Variants in BOC observed in about 807,000 individuals in gnomAD.
The protein encoded by BOC is BOC cell adhesion associated, oncogene regulated.
BOC carries 76 observed loss-of-function variants against 112.0 expected under a neutral mutation model. The ratio of observed to expected loss-of-function variants is 0.68; its 90% CI spans 0.56 to 0.82. BOC has a LOEUF of 0.82. Ranked by LOEUF, BOC falls within the 40% of genes least tolerant of loss-of-function variation. The pLI is 0.00. For missense variants in BOC, 1,309 were observed against 1,511.7 expected (o/e 0.87, Z 2.22); for synonymous variants, 580 against 599.8 (o/e 0.97, Z 0.48).
chr3:113,250,769 C>A lies in BOC; in HGVS notation c.312C>A (p.Tyr104Ter). The A allele has an allele frequency of 6.2e-7, 1 of 1,614,144 alleles. No homozygotes were observed. The highest frequency in any genetic ancestry group is 8.5e-7 in the Non-Finnish European group (1 of 1,180,014). ...TALNNHTVGR[Y>*]QCVARMPAGA... ...TTAACAACCACACTGTGGGACGGTA[C>A]CAGTGTGTGGCCCGGATGCCTGCGG... Residue 104 changes from tyrosine (Y) to a stop codon, truncating the protein, a stop_gained, in exon 4 of 20, where the codon TAC (tyrosine) becomes TAA (stop). Transcript: ENST00000682979. LOFTEE classifies it high-confidence loss of function.
At chr3:113,227,854 C>T (rs1003990387) in intron 2 of BOC, among the ~76,000 whole-genome samples, 1 of 151,352 alleles carries the variant, frequency 6.6e-6, no homozygotes, top group Admixed American at 6.6e-5. Flanking sequence ...GTTATCAAGA[C>T]AAACAAGTGT....
chr3:113,214,910 C>A (rs1472024764), intron 1 of BOC, among the ~76,000 whole-genome samples: 1 of 152,198 alleles, frequency 6.6e-6, no homozygotes, highest in African/African-American at 2.4e-5. Context: ...GTACAAGCAT[C>A]TACTTGTAAT....
chr3:113,274,585 G>T lies in BOC; in HGVS notation c.1445G>T (p.Arg482Leu). Residue 482 changes from arginine to leucine, a missense_variant, in exon 9 of 20, where the codon CGC (arginine) becomes CTC (leucine). Physicochemically the swap from Arg to Leu is moderately radical, Grantham distance 102 (BLOSUM62 -2). Transcript: ENST00000682979. The surrounding 1 kb of genome is among the most constrained non-coding windows in gnomAD (Gnocchi z 4.8). ...GCTCCCATCATCCTCAGCTCGCCCCGCACCTCCAAGACAGACTCATATGAA... is the reference window on the plus strand; with the variant it reads ...GCTCCCATCATCCTCAGCTCGCCCCTCACCTCCAAGACAGACTCATATGAA... ...AEAPIILSSP[R>L]TSKTDSYELV... The T allele has an allele frequency of 1.9e-6, 3 of 1,613,634 alleles. No individual in the cohort carries two copies. The highest frequency in any genetic ancestry group is 2.2e-5 in the East Asian group (1 of 44,870).
intron 4 of BOC, among the ~76,000 whole-genome samples, chr3:113,266,275 G>C (rs1947472837): frequency 6.6e-6 from 1 of 152,154 alleles, no homozygotes; most frequent in African/African-American, 2.4e-5. Context: ...GAGATGTTTT[G>C]ATACAGGCAT....
At chr3:113,247,787 C>T (rs943630286) in intron 2 of BOC, among the ~76,000 whole-genome samples, 1 of 152,212 alleles carries the variant, frequency 6.6e-6, no homozygotes, top group African/African-American at 2.4e-5. Context: ...ATTGTACTCA[C>T]ATCCTTTGCA....
chr3:113,283,812 G>A (rs774624224), intron 16 of BOC, among the ~76,000 whole-genome samples, 180 bp downstream of exon 16: 1 of 151,840 alleles, frequency 6.6e-6, no homozygotes, highest in Non-Finnish European at 1.5e-5. Context: ...TCGGCTTGGG[G>A]AGGAGGAAGG....
chr3:113,230,134 T>C (rs1942365205), intron 2 of BOC, among the ~76,000 whole-genome samples: 1 of 152,222 alleles, frequency 6.6e-6, no homozygotes, highest in African/African-American at 2.4e-5. Flanking sequence ...AAGCATCTTC[T>C]TGTCTCTCAG....
At chr3:113,241,833 C>A (rs1294038009) in intron 2 of BOC, among the ~76,000 whole-genome samples, 1 of 152,170 alleles carries the variant, frequency 6.6e-6, no homozygotes, top group African/African-American at 2.4e-5. Context: ...CCACCTCCCC[C>A]TACTCCTCAC....
chr3:113,216,657 A>G (rs1303280292), intron 2 of BOC, among the ~76,000 whole-genome samples: 2 of 152,190 alleles, frequency 1.3e-5, no homozygotes, highest in Non-Finnish European at 2.9e-5. Context: ...GTACTGGGCA[A>G]TGTTTATCTC....
At chr3:113,261,326 AT>A (rs1946850965) in intron 4 of BOC, among the ~76,000 whole-genome samples, 3 of 152,218 alleles carry the variant, frequency 2.0e-5, no homozygotes, top group Admixed American at 6.5e-5. Flanking sequence ...TATAGTTTGT[AT>A]TTGGTTGATC....
chr3:113,250,125 G>A (rs1945429595), intron 3 of BOC, among the ~76,000 whole-genome samples: 1 of 152,240 alleles, frequency 6.6e-6, no homozygotes, highest in Admixed American at 6.5e-5. Flanking sequence ...AGGAGGAGGA[G>A]AAGTAATAAT....
intron 4 of BOC, among the ~76,000 whole-genome samples, chr3:113,254,607 G>A (rs1271727712): frequency 1.3e-5 from 2 of 152,242 alleles, no homozygotes; most frequent in Non-Finnish European, 2.9e-5. Flanking sequence ...TTAGAGGAAA[G>A]ACTGGGCAGC....
chr3:113,270,091 A>C (rs1947944533), intron 5 of BOC: 1 of 152,290 alleles, frequency 6.6e-6, no homozygotes, highest in South Asian at 2.1e-4. Flanking sequence ...CCTGATGTGG[A>C]AGAAAGGATT....
At chr3:113,254,839 G>A (rs1946059133) in intron 4 of BOC, among the ~76,000 whole-genome samples, 1 of 152,226 alleles carries the variant, frequency 6.6e-6, no homozygotes, top group Non-Finnish European at 1.5e-5. Context: ...AGGGGTGGAG[G>A]GGAGGCCTCT....
intron 2 of BOC, among the ~76,000 whole-genome samples, chr3:113,221,576 T>A (rs1940664483): frequency 6.6e-6 from 1 of 152,218 alleles, no homozygotes; most frequent in Non-Finnish European, 1.5e-5. Context: ...CACTTTAAAT[T>A]GGCCAGTAAT....
chr3:113,223,346 C>T (rs750359010), intron 2 of BOC, among the ~76,000 whole-genome samples: 2 of 152,212 alleles, frequency 1.3e-5, no homozygotes, highest in Non-Finnish European at 2.9e-5. Flanking sequence ...ACTTGTCGTT[C>T]CAATTTCCCC....
At chr3:113,229,063 T>C (rs532951780) in intron 2 of BOC, among the ~76,000 whole-genome samples, 42 of 152,332 alleles carry the variant, frequency 2.8e-4, no homozygotes, top group African/African-American at 8.7e-4. Context: ...GGCAGCTTCA[T>C]TCCTGGACTG....
intron 2 of BOC, among the ~76,000 whole-genome samples, chr3:113,237,206 G>A (rs140089601): frequency 6.6e-6 from 1 of 152,326 alleles, no homozygotes; most frequent in East Asian, 1.9e-4. Context: ...GGGTGGTAAA[G>A]ATTAAAAGTG....
At chr3:113,223,418 T>A (rs1357952171) in intron 2 of BOC, among the ~76,000 whole-genome samples, 6 of 152,228 alleles carry the variant, frequency 3.9e-5, no homozygotes, top group Non-Finnish European at 8.8e-5. Context: ...GCAGTATATC[T>A]GTTCCCATTG....
Sources: gnomAD v4.1 joint callset for allele counts (sites outside exome capture counted in the v4.1 genomes callset) on GRCh38, gnomAD v4.1.1 for gene constraint, Gnocchi (gnomAD v3.1) non-coding constraint, MANE v1.5 for transcripts, NCBI Gene and HGNC (gene_info 2026-07-23, HGNC 2026-07-21) for gene names.